FADS1: variants seen among roughly 807,000 people sequenced by gnomAD.
The protein encoded by FADS1 is acyl-CoA (8-3)-desaturase.
Under a neutral mutation model 61.6 loss-of-function variants are expected in FADS1, and 17 were observed. That is an observed-to-expected ratio of 0.28 (90% CI 0.19 to 0.41). The LOEUF is 0.41. Ranked by LOEUF, FADS1 falls within the 10% of genes least tolerant of loss-of-function variation. The pLI is 1.00. For synonymous variants in FADS1, 238 were observed against 258.7 expected, an observed-to-expected ratio of 0.92 and a Z score of 0.77; for missense variants, 387 against 650.9, an observed-to-expected ratio of 0.59 and a Z score of 4.41.
intron 1 of FADS1, chr11:61,814,773 A>G (rs1239621870): frequency 6.6e-6 from 1 of 152,196 alleles, no homozygotes; most frequent in African/African-American, 2.4e-5. Context: ...TTTACAGAGC[A>G]CTGATTGGTG....
chr11:61,803,131 G>A lies in FADS1; in HGVS notation c.1249-20C>T, dbSNP rs572501945. ...CTGGAGCTGGCGGAAAAGGTCAGGGGAGAGCATGTTGAATATCAGATGGAA... is the reference window on the plus strand; with the variant it reads ...CTGGAGCTGGCGGAAAAGGTCAGGGAAGAGCATGTTGAATATCAGATGGAA... On this transcript the variant is annotated intron_variant, in intron 9 of 11. Coordinates refer to ENST00000350997, the MANE Select transcript of FADS1 (RefSeq NM_013402.7). This position sits in a 1 kb window ranked among gnomAD's most constrained non-coding sequence, Gnocchi z 4.3. 6.7e-5 allele frequency: 108 copies of A among 1,613,078 alleles called. No individual in the cohort carries two copies. Among genetic ancestry groups the A allele is most frequent in the Middle Eastern group, 5.0e-4 (3 of 6,060 alleles).
rs976232688 is a variant in FADS1 at position 61,800,561 on chromosome 11, CT to C, written c.*1849del. The C allele has an allele frequency of 2.0e-5, 3 of 152,412 alleles. No individual in the cohort carries two copies. Among genetic ancestry groups the C allele is most frequent in the African/African-American group, 7.2e-5 (3 of 41,444 alleles). 9.4% of individuals were successfully genotyped at this position (152,412 alleles called of 1,614,324 possible). A position where few individuals can be genotyped will look rare whatever the true frequency, so the allele number is the denominator to read the frequency against. ...TTGACAAACCTCTAACCTTCCATGT[CT>C]TTGTGTTGACAAACCTCTCCATGGG... On this transcript the variant is annotated 3_prime_UTR_variant, in exon 12 of 12. Coordinates refer to ENST00000350997, the MANE Select transcript of FADS1 (RefSeq NM_013402.7).
chr11:61,813,214 G>C (rs755030108), intron 2 of FADS1, 29 bp downstream of exon 2: 3 of 1,352,022 alleles, frequency 2.2e-6, no homozygotes, highest in Non-Finnish European at 3.2e-6. Flanking sequence ...ACAACCAATA[G>C]TTGCGACATA....
In FADS1 at chr11:61,816,965, TC is replaced by T; in HGVS notation, c.-37del. 7.3e-7 allele frequency: 1 copy of T among 1,370,698 alleles called. No homozygotes were observed. The highest frequency in any genetic ancestry group is 1.7e-5 in the South Asian group (1 of 59,382). 84.9% of individuals were successfully genotyped at this position (1,370,698 alleles called of 1,614,324 possible). Reference sequence around the variant, plus strand: ...TCGTGGCGCGGGGAGCGAGATCCCGTCCCCCGGTGGGTCTTGGGCAACTCAC... The same window carrying T: ...TCGTGGCGCGGGGAGCGAGATCCCGTCCCCGGTGGGTCTTGGGCAACTCAC... On this transcript the variant is annotated 5_prime_UTR_variant, in exon 1 of 12. Coordinates refer to ENST00000350997, the MANE Select transcript of FADS1 (RefSeq NM_013402.7). The surrounding 1 kb of genome is among the most constrained non-coding windows in gnomAD (Gnocchi z 7.0).
intron 1 of FADS1, 50 bp from the exon 2 acceptor site, chr11:61,813,403 T>C: frequency 8.9e-7 from 1 of 1,117,574 alleles, no homozygotes; most frequent in Non-Finnish European, 1.4e-6. Flanking sequence ...CCCCCTGGAC[T>C]CCGGCAGTGT....
chr11:61,813,639 A>G (rs1157479802), intron 1 of FADS1: 1 of 354,396 alleles, frequency 2.8e-6, no homozygotes, highest in African/African-American at 2.1e-5. Context: ...TGGACAAATC[A>G]GCAGGACATG....
In FADS1 at chr11:61,816,967, C is replaced by T; in HGVS notation, c.-38G>A. ...GTGGCGCGGGGAGCGAGATCCCGTCCCCCGGTGGGTCTTGGGCAACTCACA... is the reference window on the plus strand; with the variant it reads ...GTGGCGCGGGGAGCGAGATCCCGTCTCCCGGTGGGTCTTGGGCAACTCACA... On this transcript the variant is annotated 5_prime_UTR_variant, in exon 1 of 12. Coordinates refer to ENST00000350997, the MANE Select transcript of FADS1 (RefSeq NM_013402.7). The surrounding 1 kb of genome is among the most constrained non-coding windows in gnomAD (Gnocchi z 7.0). 7.3e-7 allele frequency: 1 copy of T among 1,369,138 alleles called. No individual in the cohort carries two copies. The highest frequency in any genetic ancestry group is 9.4e-7 in the Non-Finnish European group (1 of 1,069,146). The allele number at this position is 1,369,138 out of a possible 1,614,324, so 84.8% of individuals were successfully genotyped here.
At chr11:61,804,560 C>A (rs2066880754) in intron 7 of FADS1, 125 bp downstream of exon 7, 3 of 730,604 alleles carry the variant, frequency 4.1e-6, no homozygotes, top group African/African-American at 3.5e-5. Context: ...GGATCTGTGT[C>A]TGGTTCTATT....
intron 7 of FADS1, chr11:61,804,419 A>C (rs1257890668): frequency 2.3e-6 from 1 of 435,328 alleles, no homozygotes; most frequent in African/African-American, 2.0e-5. Flanking sequence ...CATCTTCCCC[A>C]TTCCCAACTC....
chr11:61,811,429 A>G (rs1325686584), intron 3 of FADS1, among the ~76,000 whole-genome samples: 1 of 143,100 alleles, frequency 7.0e-6, no homozygotes, highest in Middle Eastern at 3.8e-3. Flanking sequence ...CAGCCTCCCA[A>G]GTAGCTGGGA....
In FADS1 at chr11:61,816,264, G is replaced by A. The variant is rs771647565; in HGVS notation, c.375+291C>T. On this transcript the variant is annotated intron_variant, in intron 1 of 11. Coordinates refer to ENST00000350997, the MANE Select transcript of FADS1 (RefSeq NM_013402.7). This position sits in a 1 kb window ranked among gnomAD's most constrained non-coding sequence, Gnocchi z 7.0. ...GGGTTCTGTCCCCGCCCAGAGACCT[G>A]AGGCTCGGGGCTGCAGATGGAATGC... 6.3e-7 allele frequency: 1 copy of A among 1,598,108 alleles called. No individual in the cohort carries two copies. The highest frequency in any genetic ancestry group is 1.1e-5 in the South Asian group (1 of 91,056).
At chr11:61,808,948 A>G (rs2066914098) in intron 5 of FADS1, among the ~76,000 whole-genome samples, 1 of 152,182 alleles carries the variant, frequency 6.6e-6, no homozygotes, top group Non-Finnish European at 1.5e-5. Context: ...TTAAAGTGCA[A>G]AGCAGATTGC....
chr11:61,807,839 G>A lies in FADS1; in HGVS notation c.916-1115C>T, dbSNP rs186888051. On this transcript the variant is annotated intron_variant, in intron 5 of 11. Coordinates refer to ENST00000350997, the MANE Select transcript of FADS1 (RefSeq NM_013402.7). Reference sequence around the variant, plus strand: ...AGAGCTCTAGCTCACCCTTCCATGTGTCCACAGTTCATTTATTGAGAGTTT... The same window carrying A: ...AGAGCTCTAGCTCACCCTTCCATGTATCCACAGTTCATTTATTGAGAGTTT... Among the ~76,000 whole-genome samples, 14 of 152,322 alleles carry A rather than the reference G, an allele frequency of 9.2e-5. No homozygotes were observed. The East Asian group carries it at 2.7e-3, about 29-fold the overall frequency.
chr11:61,811,756 A>T, intron 3 of FADS1: 1 of 326,752 alleles, frequency 3.1e-6, no homozygotes, highest in Non-Finnish European at 6.2e-6. Flanking sequence ...CTCCCAGCTA[A>T]CTGTTGTATT....
rs111305555 is a variant in FADS1 at position 61,801,347 on chromosome 11, C to G, written c.*1064G>C. 1 of 152,318 alleles carries G rather than the reference C, an allele frequency of 6.6e-6. No homozygotes were observed. Among genetic ancestry groups the G allele is most frequent in the Non-Finnish European group, 1.5e-5 (1 of 68,044 alleles). The allele number at this position is 152,318 out of a possible 1,614,324, so 9.4% of individuals were successfully genotyped here. On this transcript the variant is annotated 3_prime_UTR_variant, in exon 12 of 12. Transcript: ENST00000350997. The stretch of plus-strand genomic sequence containing the variant: ...CCCCTTTGTTTCTAGGGAGAAAAGA[C>G]TAACTTGTCCCATCTGCTCACTTGC...
In FADS1 at chr11:61,816,009, A is replaced by C; in HGVS notation, c.375+546T>G. The C allele has an allele frequency of 1.9e-6, 1 of 517,164 alleles. No homozygotes were observed. The highest frequency in any genetic ancestry group is 3.5e-6 in the Non-Finnish European group (1 of 287,842). 32.0% of individuals were successfully genotyped at this position (517,164 alleles called of 1,614,324 possible). ...CACACGACGCAGGGGTCCCCAAGGC[A>C]GCGGTCTCCCCAAGCTTCCCGTTTC... On this transcript the variant is annotated intron_variant, in intron 1 of 11. Transcript: ENST00000350997. This position sits in a 1 kb window ranked among gnomAD's most constrained non-coding sequence, Gnocchi z 7.0.
chr11:61,814,769 G>A (rs1442592734), intron 1 of FADS1: 4 of 152,252 alleles, frequency 2.6e-5, no homozygotes, highest in African/African-American at 9.6e-5. Flanking sequence ...CGTTTTTACA[G>A]AGCACTGATT....
At position 61,816,847 on chromosome 11, in the gene FADS1, C is replaced by T. The variant is rs773233291; in HGVS notation, c.83G>A (p.Arg28His). The change falls in exon 1 of 12, where the codon CGC becomes CAC. Residue 28 changes from arginine to histidine, a missense_variant. Around this residue, in one of 2 missense-constraint regions of FADS1, gnomAD observed 130 missense variants for 117.7 expected, o/e 1.10. Transcript: ENST00000350997. This position sits in a 1 kb window ranked among gnomAD's most constrained non-coding sequence, Gnocchi z 7.0. ...CGGGCTCCAGGAGTGGATTTGCTGG[C>T]GCGCGCCCAGAGCCAGCCGCCTGCG... Reference protein sequence around the residue: ...PARRRLALGARQQIHSWSPRT... With the variant: ...PARRRLALGAHQQIHSWSPRT... The T allele has an allele frequency of 8.1e-6, 12 of 1,486,260 alleles. No individual in the cohort carries two copies. The highest frequency in any genetic ancestry group is 7.7e-5 in the South Asian group (6 of 78,228). The allele number at this position is 1,486,260 out of a possible 1,614,324, so 92.1% of individuals were successfully genotyped here. A position where few individuals can be genotyped will look rare whatever the true frequency, so the allele number is the denominator to read the frequency against.
Position 61,802,675 on chromosome 11 carries a change from C to T in FADS1, c.1454+126G>A. ...GTCCAATAAAGAATCCTGCCTTTGC[C>T]ATGGTGAACTCCATCCCACACGACT... is the stretch of plus-strand genomic sequence containing the variant. On this transcript the variant is annotated intron_variant, in intron 11 of 11. Transcript: ENST00000350997. The surrounding 1 kb of genome is among the most constrained non-coding windows in gnomAD (Gnocchi z 4.2). 1 of 1,423,168 alleles carries T rather than the reference C, an allele frequency of 7.0e-7. No individual in the cohort carries two copies. Among genetic ancestry groups the T allele is most frequent in the Non-Finnish European group, 9.7e-7 (1 of 1,027,216 alleles). The allele number at this position is 1,423,168 out of a possible 1,614,324, so 88.2% of individuals were successfully genotyped here.
Sources: allele counts gnomAD v4.1 joint callset (sites outside exome capture counted in the v4.1 genomes callset), GRCh38; gene constraint gnomAD v4.1.1; regional missense constraint gnomAD v4.1.1; non-coding constraint Gnocchi (gnomAD v3.1); transcripts MANE v1.5; gene names NCBI Gene and HGNC (gene_info 2026-07-23, HGNC 2026-07-21).